The following SNX14 variants were observed in gnomAD, a reference collection of about 807,000 sequenced individuals.
SNX14 encodes sorting nexin-14.
SNX14 carries 93 observed loss-of-function variants against 133.8 expected under a neutral mutation model. The observed-to-expected ratio is 0.70, with a 90% CI of 0.59 to 0.83. The LOEUF is 0.83. SNX14 is among the 40% of genes least tolerant of loss of function. SNX14 has a pLI of 0.00. For missense variants in SNX14, 945 were observed against 1,094.9 expected, an observed-to-expected ratio of 0.86 and a Z score of 1.93; for synonymous variants, 368 against 365.6, an observed-to-expected ratio of 1.01 and a Z score of -0.07.
chr6:85,551,938 T>C (rs1787953241), intron 7 of SNX14, among the ~76,000 whole-genome samples: 1 of 152,106 alleles, frequency 6.6e-6, no homozygotes. Context: ...CTCCTTTTTA[T>C]AGACCTCAAA....
rs1375106715 is a variant in SNX14 at position 85,514,551 on chromosome 6, C to G, written c.2347G>C (p.Glu783Gln). The change falls in exon 24 of 29, where the codon GAG becomes CAG. Residue 783 changes from glutamate to glutamine, a missense_variant. Glu to Gln is a conservative substitution (Grantham distance 29, BLOSUM62 2). Around this residue, in one of 3 missense-constraint regions of SNX14, gnomAD observed 412 missense variants for 516.6 expected, o/e 0.80. Transcript: ENST00000314673. ...ERKQNQNYFM[E>Q]VMTVEGVYDY... ...TAGACTCCTTCTACAGTCATCACCT[C>G]CATAAAATAATTCTGATTTTGCTTT... 1.2e-6 allele frequency: 2 copies of G among 1,613,268 alleles called. No homozygotes were observed. The highest frequency in any genetic ancestry group is 1.7e-6 in the Non-Finnish European group (2 of 1,179,708).
chr6:85,592,534 T>C (rs1803128116), intron 1 of SNX14, among the ~76,000 whole-genome samples: 1 of 152,226 alleles, frequency 6.6e-6, no homozygotes, highest in Non-Finnish European at 1.5e-5. Context: ...TACTACCTAT[T>C]GCATCGCAAC....
chr6:85,584,804 G>A (rs912063183), intron 1 of SNX14, among the ~76,000 whole-genome samples: 1 of 152,164 alleles, frequency 6.6e-6, no homozygotes, highest in Non-Finnish European at 1.5e-5. Context: ...GTTGGTGGGA[G>A]TGTAAATTAG....
intron 21 of SNX14, among the ~76,000 whole-genome samples, chr6:85,525,218 A>G (rs1377437737): frequency 1.3e-5 from 2 of 152,322 alleles, no homozygotes; most frequent in East Asian, 1.9e-4. Context: ...TACAGATTCT[A>G]TATCTGTCAT....
rs112258239 is a variant in SNX14, at chr6:85,587,839, A to G, written c.140+5740T>C. On this transcript the variant is annotated intron_variant, in intron 1 of 28. Coordinates refer to ENST00000314673, the MANE Select transcript of SNX14 (RefSeq NM_153816.6). Reference sequence around the variant, plus strand: ...AGAGAATTTGAATAGAGCAATTATCATTAAAGAAATTAAAATAGTAATTAG... The same window carrying G: ...AGAGAATTTGAATAGAGCAATTATCGTTAAAGAAATTAAAATAGTAATTAG... Among the ~76,000 whole-genome samples, 1,217 of 152,356 alleles carry G rather than the reference A, an allele frequency of 8.0e-3. 20 individuals carry two copies. The highest frequency in any genetic ancestry group is 0.028 in the African/African-American group (1,166 of 41,574).
At chr6:85,567,661 T>C in intron 4 of SNX14, 84 bp from the exon 5 acceptor site, 1 of 858,918 alleles carries the variant, frequency 1.2e-6, no homozygotes, top group Non-Finnish European at 1.7e-6. Context: ...ATATGTAACA[T>C]TACCAAGAAA....
At chr6:85,521,658 T>C (rs1776914695) in intron 21 of SNX14, among the ~76,000 whole-genome samples, 1 of 152,216 alleles carries the variant, frequency 6.6e-6, no homozygotes. Context: ...AAGCCTTTTA[T>C]TAGATTGGTG....
intron 6 of SNX14, among the ~76,000 whole-genome samples, chr6:85,560,397 G>C (rs1035065796): frequency 1.3e-5 from 2 of 152,134 alleles, no homozygotes; most frequent in African/African-American, 4.8e-5. Context: ...GCCACATATT[G>C]TATGATTCCA....
In SNX14 at chr6:85,513,978, A is replaced by C; in HGVS notation, c.2558-83T>G. 6 of 1,557,154 alleles carry C rather than the reference A, an allele frequency of 3.9e-6. No individual in the cohort carries two copies. In the South Asian group the frequency reaches 7.2e-5, roughly 19 times the overall value. On this transcript the variant is annotated intron_variant, in intron 25 of 28. Coordinates refer to ENST00000314673, the MANE Select transcript of SNX14 (RefSeq NM_153816.6). ...TTTCCTCATAGTAGAAATACTAATA[A>C]ACCAAAGCAAAACAAGATTTCTTCC...
Position 85,514,169 on chromosome 6 carries a change from T to C in SNX14, c.2458A>G (p.Lys820Glu). 1 of 1,614,052 alleles carries C rather than the reference T, an allele frequency of 6.2e-7. No individual in the cohort carries two copies. The highest frequency in any genetic ancestry group is 1.1e-5 in the South Asian group (1 of 91,068). The change falls in exon 25 of 29, where the codon AAA becomes GAA. Residue 820 changes from lysine to glutamate, a missense_variant. Coordinates refer to ENST00000314673, the MANE Select transcript of SNX14 (RefSeq NM_153816.6). Reference sequence around the variant, plus strand: ...TCAGTATACATTTCCAGGGTGTTTTTAAAGAGGATTCGAGTTCCCATTAAG... The same window carrying C: ...TCAGTATACATTTCCAGGGTGTTTTCAAAGAGGATTCGAGTTCCCATTAAG... ...HLLMGTRILF[K>E]NTLEMYTDYY...
intron 1 of SNX14, among the ~76,000 whole-genome samples, chr6:85,576,594 A>G (rs1797429839): frequency 3.3e-5 from 5 of 152,218 alleles, no homozygotes; most frequent in Admixed American, 2.0e-4. Context: ...AGCTGTAATA[A>G]AACTGACAGC....
chr6:85,555,803 A>G (rs1466741652), intron 7 of SNX14, among the ~76,000 whole-genome samples: 1 of 152,104 alleles, frequency 6.6e-6, no homozygotes, highest in African/African-American at 2.4e-5. Flanking sequence ...CAGCCTGGTC[A>G]ACATGGTGAA....
intron 26 of SNX14, among the ~76,000 whole-genome samples, chr6:85,512,480 G>A (rs1773270905): frequency 6.6e-6 from 1 of 152,106 alleles, no homozygotes. Context: ...AAATTAGCCA[G>A]GCGTGGTGGT....
rs1184299529 is a variant in SNX14, at chr6:85,572,389, T to TA, written c.262-16_262-15insT. ...AGTCCTAACTGCTAAAAAAGGAAAA[T>TA]GAGAGGTGGTGGGGAGATCCATCTT... On this transcript the variant is annotated splice_polypyrimidine_tract_variant and intron_variant, in intron 2 of 28. Transcript: ENST00000314673. 2 of 1,589,318 alleles carry TA rather than the reference T, an allele frequency of 1.3e-6. No homozygotes were observed. Among genetic ancestry groups the TA allele is most frequent in the Middle Eastern group, 1.7e-4 (1 of 6,000 alleles).
At chr6:85,585,524 C>A (rs1206374247) in intron 1 of SNX14, among the ~76,000 whole-genome samples, 1 of 151,898 alleles carries the variant, frequency 6.6e-6, no homozygotes, top group Non-Finnish European at 1.5e-5. Context: ...ACAAAATAGA[C>A]AACAATGACA....
chr6:85,570,580 C>T (rs115156657), intron 4 of SNX14, among the ~76,000 whole-genome samples: 1,593 of 152,120 alleles, frequency 0.01, 23 homozygotes, highest in African/African-American at 0.036. Flanking sequence ...CTTGTCCAGG[C>T]GCAGTGGCTG....
At chr6:85,515,443 A>T (rs563825198) in intron 23 of SNX14, among the ~76,000 whole-genome samples, 2 of 150,006 alleles carry the variant, frequency 1.3e-5, no homozygotes, top group African/African-American at 4.9e-5. Flanking sequence ...TAATGGTTGC[A>T]GTGAGCCAGA....
chr6:85,514,456 A>G, intron 24 of SNX14, 50 bp downstream of exon 24: 1 of 1,592,896 alleles, frequency 6.3e-7, no homozygotes, highest in Non-Finnish European at 8.6e-7. Context: ...TTTGCATCAC[A>G]GAAGAAGTAA....
chr6:85,528,540 C>A lies in SNX14; in HGVS notation c.1895-178G>T, dbSNP rs533062187. 3.3e-5 allele frequency among the ~76,000 whole-genome samples: 5 copies of A among 152,190 alleles called. No individual in the cohort carries two copies. In the South Asian group the frequency reaches 6.2e-4, roughly 19 times the overall value. ...AGAGCTTCAAGTCAGAAGTCCAGAC[C>A]AAAGAACTTGAGTCTACTGATAAAC... On this transcript the variant is annotated intron_variant, in intron 19 of 28. Coordinates refer to ENST00000314673, the MANE Select transcript of SNX14 (RefSeq NM_153816.6).
Sources: gnomAD v4.1 joint callset for allele counts (sites outside exome capture counted in the v4.1 genomes callset) on GRCh38, gnomAD v4.1.1 for gene constraint, gnomAD v4.1.1 regional missense constraint, MANE v1.5 for transcripts, NCBI Gene and HGNC (gene_info 2026-07-23, HGNC 2026-07-21) for gene names.